Variants in INVS observed in about 807,000 individuals in gnomAD.
INVS encodes the protein inversin.
Under a neutral mutation model 108.8 loss-of-function variants are expected in INVS, and 86 were observed. That is an observed-to-expected ratio of 0.79 (90% CI 0.66 to 0.95). INVS has a LOEUF of 0.95. Among genes scored for constraint, INVS ranks in the 40% least tolerant of loss-of-function variants. INVS has a pLI of 0.00. For missense variants in INVS, 1,169 were observed against 1,297.4 expected (o/e 0.90, Z 1.52); for synonymous variants, 455 against 473.5 (o/e 0.96, Z 0.51).
At chr9:100,113,896 C>T (rs1827423859) in intron 2 of INVS, among the ~76,000 whole-genome samples, 1 of 152,154 alleles carries the variant, frequency 6.6e-6, no homozygotes, top group South Asian at 2.1e-4. Flanking sequence ...TTCATTTTGT[C>T]TATTCACTTC....
At chr9:100,196,168 C>T (rs1321944311) in intron 3 of INVS, among the ~76,000 whole-genome samples, 2 of 152,132 alleles carry the variant, frequency 1.3e-5, no homozygotes, top group African/African-American at 4.8e-5. Context: ...AACAAACCTA[C>T]TTTCTTTTAT....
Position 100,297,964 on chromosome 9 carries a change from T to C in INVS, c.3045T>C (p.His1015=). The change falls in exon 16 of 17, where the codon CAT becomes CAC. Residue 1015 remains histidine (H), a synonymous_variant. Transcript: ENST00000262457. ...YGCSHEGKIH[H]PTRSVKASSV... Reference sequence around the variant, plus strand: ...GTTCTCACGAAGGGAAAATACATCATCCTACAAGATCTGTAAAAGCCTCTT... The same window carrying C: ...GTTCTCACGAAGGGAAAATACATCACCCTACAAGATCTGTAAAAGCCTCTT... 1 of 1,614,154 alleles carries C rather than the reference T, an allele frequency of 6.2e-7. No individual in the cohort carries two copies. Among genetic ancestry groups the C allele is most frequent in the African/African-American group, 1.3e-5 (1 of 75,044 alleles).
chr9:100,215,712 A>G (rs1830965924), intron 3 of INVS, among the ~76,000 whole-genome samples: 3 of 152,198 alleles, frequency 2.0e-5, no homozygotes, highest in African/African-American at 7.2e-5. Context: ...ATCAGATTGG[A>G]GCAGCAACTC....
At position 100,212,496 on chromosome 9, in the gene INVS, A is replaced by G. The variant is rs368125474; in HGVS notation, c.274-13566A>G. On this transcript the variant is annotated intron_variant, in intron 3 of 16. Coordinates refer to ENST00000262457, the MANE Select transcript of INVS (RefSeq NM_014425.5). ...GTCTATATGTATCTGCCCCTCCCCA[A>G]CAACCTTTTCTTTTTGCTAGACCTC... 3.9e-5 allele frequency among the ~76,000 whole-genome samples: 6 copies of G among 152,042 alleles called. No individual in the cohort carries two copies. The East Asian group carries it at 9.7e-4, about 25-fold the overall frequency.
At chr9:100,140,831 G>A (rs1252775283) in intron 3 of INVS, among the ~76,000 whole-genome samples, 1 of 152,114 alleles carries the variant, frequency 6.6e-6, no homozygotes, top group African/African-American at 2.4e-5. Context: ...AGAATTACTG[G>A]TGATGGCCTA....
At chr9:100,184,102 T>C (rs1829983790) in intron 3 of INVS, among the ~76,000 whole-genome samples, 2 of 152,152 alleles carry the variant, frequency 1.3e-5, no homozygotes, top group Non-Finnish European at 2.9e-5. Flanking sequence ...GAGGAAATAC[T>C]AAAATAATAA....
At chr9:100,105,019 C>G (rs1396267366) in intron 2 of INVS, among the ~76,000 whole-genome samples, 1 of 151,740 alleles carries the variant, frequency 6.6e-6, no homozygotes, top group African/African-American at 2.4e-5. Context: ...TTCAATGTTC[C>G]CCCTGTGATT....
At chr9:100,259,912 C>T (rs1213594000) in intron 10 of INVS, among the ~76,000 whole-genome samples, 1 of 152,018 alleles carries the variant, frequency 6.6e-6, no homozygotes, top group African/African-American at 2.4e-5. Flanking sequence ...CGCTTCGTCA[C>T]CCAGGCTGGA....
intron 3 of INVS, among the ~76,000 whole-genome samples, chr9:100,182,608 G>A (rs900749544): frequency 2.1e-4 from 32 of 152,204 alleles, no homozygotes; most frequent in African/African-American, 7.0e-4. Flanking sequence ...TTAGAATGGC[G>A]ATCATTAAAA....
At chr9:100,238,254 A>T (rs1163853415) in intron 5 of INVS, among the ~76,000 whole-genome samples, 1 of 151,950 alleles carries the variant, frequency 6.6e-6, no homozygotes, top group Non-Finnish European at 1.5e-5. Context: ...AGTCCTAGGA[A>T]TCTATTTTTC....
At chr9:100,249,257 A>G (rs1026040112) in intron 8 of INVS, among the ~76,000 whole-genome samples, 2 of 152,282 alleles carry the variant, frequency 1.3e-5, no homozygotes, top group African/African-American at 4.8e-5. Flanking sequence ...AGGTACCTCT[A>G]TAGAAAGCTG....
chr9:100,115,989 T>C (rs1481744586), intron 2 of INVS, among the ~76,000 whole-genome samples: 1 of 152,256 alleles, frequency 6.6e-6, no homozygotes, highest in Non-Finnish European at 1.5e-5. Flanking sequence ...ATCGCCATTC[T>C]AACTGGTGTG....
intron 3 of INVS, among the ~76,000 whole-genome samples, chr9:100,197,357 G>A (rs1830409265): frequency 6.6e-6 from 1 of 152,140 alleles, no homozygotes; most frequent in African/African-American, 2.4e-5. Context: ...AGGATCCCTT[G>A]ATCCCAGGAG....
intron 5 of INVS, among the ~76,000 whole-genome samples, chr9:100,232,565 T>C (rs544443136): frequency 1.1e-4 from 17 of 152,366 alleles, no homozygotes; most frequent in African/African-American, 4.1e-4. Context: ...TTCAGCTTTC[T>C]GCATATGGCC....
chr9:100,163,354 A>G (rs147267055), intron 3 of INVS, among the ~76,000 whole-genome samples: 1 of 152,134 alleles, frequency 6.6e-6, no homozygotes, highest in Non-Finnish European at 1.5e-5. Flanking sequence ...GCAATCATCT[A>G]GTCTCTGAAT....
chr9:100,170,202 G>A (rs1396549818), intron 3 of INVS, among the ~76,000 whole-genome samples: 1 of 152,064 alleles, frequency 6.6e-6, no homozygotes, highest in East Asian at 1.9e-4. Context: ...TTCTTCTAGA[G>A]CTCTATCTGT....
rs1233508680 is a variant in INVS, at chr9:100,301,216, T to C, written c.*542T>C. 6.6e-6 allele frequency among the ~76,000 whole-genome samples: 1 copy of C among 151,560 alleles called. No individual in the cohort carries two copies. Among genetic ancestry groups the C allele is most frequent in the African/African-American group, 2.4e-5 (1 of 41,208 alleles). ...ACTATTACTTCAAAATTAATCAGGTTTAAATTTTAGATCAGAATCATTGCC... is the reference window on the plus strand; with the variant it reads ...ACTATTACTTCAAAATTAATCAGGTCTAAATTTTAGATCAGAATCATTGCC... On this transcript the variant is annotated 3_prime_UTR_variant, in exon 17 of 17. Coordinates refer to ENST00000262457, the MANE Select transcript of INVS (RefSeq NM_014425.5).
intron 3 of INVS, among the ~76,000 whole-genome samples, chr9:100,207,358 A>G (rs754465038): frequency 3.3e-5 from 5 of 152,094 alleles, no homozygotes; most frequent in Admixed American, 2.6e-4. Flanking sequence ...CAGTGGCACT[A>G]TCTTGGCTCA....
At chr9:100,158,598 A>C (rs1829073449) in intron 3 of INVS, among the ~76,000 whole-genome samples, 1 of 152,226 alleles carries the variant, frequency 6.6e-6, no homozygotes, top group Non-Finnish European at 1.5e-5. Flanking sequence ...TCCTGGCACC[A>C]AAATAGTGCC....
Sources: allele counts gnomAD v4.1 joint callset (sites outside exome capture counted in the v4.1 genomes callset), GRCh38; gene constraint gnomAD v4.1.1; transcripts MANE v1.5; gene names NCBI Gene and HGNC (gene_info 2026-07-23, HGNC 2026-07-21).